The following MTG1 variants were observed in gnomAD, a reference collection of about 807,000 sequenced individuals.
The protein encoded by MTG1 is mitochondrial ribosome associated GTPase 1, also known as mitochondrial ribosome-associated GTPase 1.
In MTG1, 30 loss-of-function variants were observed where a neutral mutation model predicts 39.5. That is an observed-to-expected ratio of 0.76 (90% CI 0.57 to 1.03). MTG1 has a LOEUF of 1.03. Among genes scored for constraint, MTG1 ranks in the 50% least tolerant of loss-of-function variants. The pLI, the probability that MTG1 is intolerant of heterozygous loss-of-function variation, is 0.00. For missense variants in MTG1, 513 were observed against 447.4 expected (o/e 1.15, Z -1.32); for synonymous variants, 217 against 179.0 (o/e 1.21, Z -1.69).
At chr10:133,404,127 A>ATTTTTT in intron 9 of MTG1, among the ~76,000 whole-genome samples, 1 of 61,648 alleles carries the variant, frequency 1.6e-5, no homozygotes, top group Non-Finnish European at 3.6e-5. Context: ...CTAAGTTTTA[A>ATTTTTT]TCTTTTTTTT....
Position 133,402,500 on chromosome 10 carries a change from G to T in MTG1, c.671-192G>T, listed in dbSNP as rs41283341. ...ACGGACCAGGGCAGAGAGGTTGGTC[G>T]CAGGTGCCAGGCAGGAGTGGGGGCC... On this transcript the variant is annotated intron_variant, in intron 8 of 10. Transcript: ENST00000317502. This position sits in a 1 kb window ranked among gnomAD's most constrained non-coding sequence, Gnocchi z 4.7. The T allele has an allele frequency of 2.9e-6, 2 of 691,692 alleles. No homozygotes were observed. Among genetic ancestry groups the T allele is most frequent in the Non-Finnish European group, 4.9e-6 (2 of 411,874 alleles). 42.8% of individuals were successfully genotyped at this position (691,692 alleles called of 1,614,324 possible). A position where few individuals can be genotyped will look rare whatever the true frequency, so the allele number is the denominator to read the frequency against.
At chr10:133,394,652 C>T (rs1252907472) in intron 1 of MTG1, 5 of 1,191,904 alleles carry the variant, frequency 4.2e-6, no homozygotes, top group Admixed American at 4.7e-5. Context: ...CCCTTTTAAT[C>T]CCCCGAAGCC....
At position 133,394,305 on chromosome 10, in the gene MTG1, C is replaced by A. The variant is rs1461698851; in HGVS notation, c.85C>A (p.Arg29Ser). The change falls in exon 1 of 11, where the codon CGC (arginine) becomes AGC (serine). Residue 29 changes from arginine (R) to serine (S), a missense_variant. Coordinates refer to ENST00000317502, the MANE Select transcript of MTG1 (RefSeq NM_138384.4). Reference protein sequence around the residue: ...NFPLCGRDVARWFPGHMAKGL... With the variant: ...NFPLCGRDVASWFPGHMAKGL... ...CCCCCTGTGCGGTCGCGACGTGGCGCGCTGGTTCCCGGGCCACATGGCCAA... is the reference window on the plus strand; with the variant it reads ...CCCCCTGTGCGGTCGCGACGTGGCGAGCTGGTTCCCGGGCCACATGGCCAA... The A allele has an allele frequency of 1.3e-6, 2 of 1,515,826 alleles. No individual in the cohort carries two copies. Among genetic ancestry groups the A allele is most frequent in the South Asian group, 2.4e-5 (2 of 81,834 alleles). 93.9% of individuals were successfully genotyped at this position (1,515,826 alleles called of 1,614,324 possible).
At chr10:133,405,385 C>T (rs990346695) in intron 9 of MTG1, among the ~76,000 whole-genome samples, 5 of 152,198 alleles carry the variant, frequency 3.3e-5, no homozygotes, top group African/African-American at 9.7e-5. Flanking sequence ...AAACATTTAT[C>T]TTCATGCTGG....
At chr10:133,401,636 C>T (rs747799006) in intron 7 of MTG1, 46 bp downstream of exon 7, 13 of 1,593,784 alleles carry the variant, frequency 8.2e-6, no homozygotes, top group African/African-American at 2.7e-5. Context: ...AAGAGCTCTG[C>T]AGGCGTCTGG....
chr10:133,406,548 T>A (rs921940548), intron 9 of MTG1, among the ~76,000 whole-genome samples: 7 of 152,118 alleles, frequency 4.6e-5, no homozygotes, highest in Non-Finnish European at 1.0e-4. Flanking sequence ...TTTTTGCTTT[T>A]GTTGCCTGTG....
intron 9 of MTG1, among the ~76,000 whole-genome samples, chr10:133,410,872 C>T (rs1850036363): frequency 6.6e-6 from 1 of 152,180 alleles, no homozygotes; most frequent in African/African-American, 2.4e-5. Context: ...TTAACTGCAT[C>T]TTTCCCCCAA....
chr10:133,396,596 C>T (rs1002502944), intron 3 of MTG1, among the ~76,000 whole-genome samples: 6 of 152,190 alleles, frequency 3.9e-5, no homozygotes, highest in African/African-American at 4.8e-5. Context: ...ACCGAGGACA[C>T]GAGCTTTTCC....
rs749035115 is a variant in MTG1 at position 133,402,127 on chromosome 10, C to A, written c.574-22C>A. 3.7e-6 allele frequency: 6 copies of A among 1,613,890 alleles called. No homozygotes were observed. Among genetic ancestry groups the A allele is most frequent in the Non-Finnish European group, 5.1e-6 (6 of 1,179,966 alleles). On this transcript the variant is annotated intron_variant, in intron 7 of 10. Transcript: ENST00000317502. This position sits in a 1 kb window ranked among gnomAD's most constrained non-coding sequence, Gnocchi z 4.7. Reference sequence around the variant, plus strand: ...TGGGAGGCTGCCACCGCGGCCTGATCATGCCCTCTGTGCCCACACAGGTCT... The same window carrying A: ...TGGGAGGCTGCCACCGCGGCCTGATAATGCCCTCTGTGCCCACACAGGTCT...
chr10:133,397,779 G>GTT lies in MTG1; in HGVS notation c.283-641_283-640dup, dbSNP rs35859911. On this transcript the variant is annotated intron_variant, in intron 3 of 10. Coordinates refer to ENST00000317502, the MANE Select transcript of MTG1 (RefSeq NM_138384.4). Reference sequence around the variant, plus strand: ...AGGCGTGAGTCACTGCGTCCAGCCTGTTTTTTTTTTTTTTTTAAATCATCG... The same window carrying GTT: ...AGGCGTGAGTCACTGCGTCCAGCCTGTTTTTTTTTTTTTTTTTTAAATCATCG... Among the ~76,000 whole-genome samples, 855 of 139,456 alleles carry GTT rather than the reference G, an allele frequency of 6.1e-3. 13 individuals are homozygous for GTT. Among genetic ancestry groups the GTT allele is most frequent in the Middle Eastern group, 0.011 (3 of 270 alleles). The allele number at this position is 139,456 out of a possible 152,430, so 91.5% of individuals were successfully genotyped here.
intron 9 of MTG1, among the ~76,000 whole-genome samples, chr10:133,415,047 T>C (rs1188202127): frequency 6.6e-6 from 1 of 152,102 alleles, no homozygotes; most frequent in African/African-American, 2.4e-5. Flanking sequence ...GCGCCTGCAA[T>C]TGGAGGCACT....
chr10:133,404,127 A>ACCT (rs1849932172), intron 9 of MTG1, among the ~76,000 whole-genome samples: 1 of 61,654 alleles, frequency 1.6e-5, no homozygotes, highest in Non-Finnish European at 3.6e-5. Flanking sequence ...CTAAGTTTTA[A>ACCT]TCTTTTTTTT....
At chr10:133,398,083 C>T (rs765708851) in intron 3 of MTG1, among the ~76,000 whole-genome samples, 26 of 152,168 alleles carry the variant, frequency 1.7e-4, no homozygotes, top group Non-Finnish European at 3.4e-4. Context: ...TCTCTCCATC[C>T]GTGTCATCTT....
intron 1 of MTG1, chr10:133,394,689 T>G: frequency 9.1e-7 from 1 of 1,096,726 alleles, no homozygotes; most frequent in East Asian, 6.0e-5. Context: ...CTTGACAAGA[T>G]AGACTTTTCT....
At chr10:133,412,398 C>A (rs1203331856) in intron 9 of MTG1, among the ~76,000 whole-genome samples, 1 of 152,126 alleles carries the variant, frequency 6.6e-6, no homozygotes, top group Non-Finnish European at 1.5e-5. Context: ...TATCTTGTAA[C>A]CCTGCTAAAC....
chr10:133,405,699 G>A (rs1335098925), intron 9 of MTG1, among the ~76,000 whole-genome samples: 1 of 152,180 alleles, frequency 6.6e-6, no homozygotes, highest in African/African-American at 2.4e-5. Flanking sequence ...ATATTTCATT[G>A]TGTTTTATGT....
chr10:133,419,577 G>T lies in MTG1; in HGVS notation c.850G>T (p.Val284Leu). ...GCTGGGGAAGACGCAGAAGGTGAAG[G>T]TGCTCACGGGCACGGGTGAGTGAGG... Reference protein sequence around the residue: ...VKLGKTQKVKVLTGTGNVNII... With the variant: ...VKLGKTQKVKLLTGTGNVNII... Residue 284 changes from valine to leucine, a missense_variant, in exon 10 of 11, where the codon GTG (valine) becomes TTG (leucine). Physicochemically the swap from Val to Leu is conservative, Grantham distance 32. Coordinates refer to ENST00000317502, the MANE Select transcript of MTG1 (RefSeq NM_138384.4). 6.2e-7 allele frequency: 1 copy of T among 1,605,782 alleles called. No homozygotes were observed. Among genetic ancestry groups the T allele is most frequent in the Non-Finnish European group, 8.5e-7 (1 of 1,176,500 alleles).
chr10:133,401,467 A>C (rs367631025), intron 6 of MTG1, 62 bp from the exon 7 acceptor site: 23 of 1,417,306 alleles, frequency 1.6e-5, no homozygotes, highest in Non-Finnish European at 2.0e-5. Context: ...ACGTCTCCCT[A>C]CTTGTTCTGC....
rs565578777 is a variant in MTG1 at position 133,394,537 on chromosome 10, C to G, written c.112+205C>G. On this transcript the variant is annotated intron_variant, in intron 1 of 10. Coordinates refer to ENST00000317502, the MANE Select transcript of MTG1 (RefSeq NM_138384.4). ...CCCCTGCGCAGCTGCGGGAGAGGCC[C>G]GTTCCCGCGAGTGCCCCCGCGGCGC... is the stretch of plus-strand genomic sequence containing the variant. 869 of 1,339,012 alleles carry G rather than the reference C, an allele frequency of 6.5e-4. 11 individuals carry two copies. In the African/African-American group the frequency reaches 0.012, roughly 19 times the overall value. 82.9% of individuals were successfully genotyped at this position (1,339,012 alleles called of 1,614,324 possible).
Sources: gnomAD v4.1 joint callset for allele counts (sites outside exome capture counted in the v4.1 genomes callset) on GRCh38, gnomAD v4.1.1 for gene constraint, Gnocchi (gnomAD v3.1) non-coding constraint, MANE v1.5 for transcripts, NCBI Gene and HGNC (gene_info 2026-07-23, HGNC 2026-07-21) for gene names.